TSACC: variants seen among roughly 807,000 people sequenced by gnomAD.
The protein encoded by TSACC is TSSK6 activating cochaperone, also known as TSSK6-activating co-chaperone protein.
TSACC carries 3 observed loss-of-function variants against 6.9 expected under a neutral mutation model. The ratio of observed to expected loss-of-function variants is 0.43; its 90% CI spans 0.20 to 1.12. The LOEUF (loss-of-function observed/expected upper bound fraction) is 1.12, where lower values mean the gene tolerates loss of function less well. Among genes scored for constraint, TSACC ranks in the 50% most tolerant of loss-of-function variants. The pLI is 0.28. For synonymous variants in TSACC, 54 were observed against 55.1 expected (o/e 0.98, Z 0.09); for missense variants, 137 against 143.9 (o/e 0.95, Z 0.24).
intron 1 of TSACC, 69 bp from the exon 2 acceptor site, chr1:156,339,565 A>C (rs970346317): frequency 3.3e-6 from 2 of 600,250 alleles, no homozygotes; most frequent in African/African-American, 3.8e-5. Context: ...GGGCCGTGAG[A>C]GCACCAACAG....
chr1:156,343,286 G>A (rs945887485), intron 2 of TSACC, among the ~76,000 whole-genome samples: 3 of 152,336 alleles, frequency 2.0e-5, no homozygotes, highest in African/African-American at 7.2e-5. Flanking sequence ...GACTTGTGCA[G>A]TTGGGAGAGA....
At chr1:156,338,113 G>T, upstream of TSACC, 2 of 1,567,900 alleles carry the variant, frequency 1.3e-6, no homozygotes, top group Non-Finnish European at 1.7e-6. Context: ...GACAGAAGAG[G>T]GCGAAAAGGG....
At chr1:156,338,135 T>G, upstream of TSACC, 3 of 1,580,070 alleles carry the variant, frequency 1.9e-6, no homozygotes, top group Non-Finnish European at 2.6e-6. Context: ...GTCCATTTCC[T>G]GGCATCCCCA....
upstream of TSACC, chr1:156,338,255 G>A (rs545442048): frequency 1.3e-6 from 2 of 1,505,002 alleles, no homozygotes; most frequent in South Asian, 2.4e-5. Flanking sequence ...GAGAGAACCA[G>A]ACAGAAGCCC....
chr1:156,338,445 G>C (rs1015496685), upstream of TSACC: 8 of 564,046 alleles, frequency 1.4e-5, no homozygotes, highest in African/African-American at 9.4e-5. Context: ...GGCACTGGGA[G>C]GGCACAGGCG....
chr1:156,337,596 T>C (rs142175925), upstream of TSACC: 1 of 165,394 alleles, frequency 6.0e-6, no homozygotes, highest in East Asian at 1.9e-4. Context: ...CAAGAGACTG[T>C]TACTGAAAAT....
At chr1:156,346,204 A>G (rs1466248041) in intron 3 of TSACC, among the ~76,000 whole-genome samples, 1 of 151,840 alleles carries the variant, frequency 6.6e-6, no homozygotes, top group African/African-American at 2.4e-5. Flanking sequence ...AAAAAAAAAA[A>G]AAAAAAAGAA....
At chr1:156,340,185 G>T (rs932819152) in intron 2 of TSACC, among the ~76,000 whole-genome samples, 1 of 152,138 alleles carries the variant, frequency 6.6e-6, no homozygotes, top group African/African-American at 2.4e-5. Flanking sequence ...TTTAGACGGA[G>T]TCTCGCTCTG....
At chr1:156,338,101 T>A, upstream of TSACC, 1 of 1,559,374 alleles carries the variant, frequency 6.4e-7, no homozygotes, top group Non-Finnish European at 8.7e-7. Flanking sequence ...CTGAAAAGTA[T>A]GGACAGAAGA....
At chr1:156,341,405 G>C (rs1190070974) in intron 2 of TSACC, among the ~76,000 whole-genome samples, 2 of 152,150 alleles carry the variant, frequency 1.3e-5, no homozygotes, top group Admixed American at 1.3e-4. Context: ...TTACTGAAAT[G>C]TAATAGTTTG....
chr1:156,345,659 G>C (rs1031823717), intron 3 of TSACC, among the ~76,000 whole-genome samples: 9 of 151,850 alleles, frequency 5.9e-5, no homozygotes, highest in African/African-American at 2.2e-4. Context: ...CCTGAGGTCA[G>C]GAGTTTGAGA....
chr1:156,344,314 A>T (rs891048934), intron 2 of TSACC, among the ~76,000 whole-genome samples: 12 of 152,136 alleles, frequency 7.9e-5, no homozygotes, highest in Non-Finnish European at 4.4e-5. Context: ...AACACATCTT[A>T]TGTATACCCT....
rs1350901606 is a variant in TSACC, at chr1:156,343,350, C to T, written c.35-1230C>T. 2.6e-5 allele frequency among the ~76,000 whole-genome samples: 4 copies of T among 152,204 alleles called. No homozygotes were observed. The East Asian group carries it at 5.8e-4, about 22-fold the overall frequency. ...AGAAGAGCGGCAAAAACCAGGGCCT[C>T]GGGGACTAAAACTGGGGATTTGGTG... On this transcript the variant is annotated intron_variant, in intron 2 of 3. Transcript: ENST00000368254.
At chr1:156,341,013 A>G (rs960600365) in intron 2 of TSACC, among the ~76,000 whole-genome samples, 2 of 151,726 alleles carry the variant, frequency 1.3e-5, no homozygotes, top group African/African-American at 4.8e-5. Context: ...TATTTTTAGT[A>G]CAGACTGGGT....
At chr1:156,343,834 G>A (rs531676317) in intron 2 of TSACC, among the ~76,000 whole-genome samples, 24 of 152,068 alleles carry the variant, frequency 1.6e-4, no homozygotes, top group Non-Finnish European at 2.6e-4. Context: ...TCTGCCTCCC[G>A]GGTTCAAGTG....
chr1:156,338,113 G>A (rs1289723902), upstream of TSACC: 1 of 1,567,900 alleles, frequency 6.4e-7, no homozygotes, highest in East Asian at 2.3e-5. Flanking sequence ...GACAGAAGAG[G>A]GCGAAAAGGG....
intron 2 of TSACC, among the ~76,000 whole-genome samples, chr1:156,343,523 A>G (rs1484630552): frequency 6.6e-6 from 1 of 152,190 alleles, no homozygotes; most frequent in African/African-American, 2.4e-5. Context: ...ATCAGAAGAA[A>G]GTAAATTTCT....
chr1:156,342,211 A>T (rs1665936380), intron 2 of TSACC, among the ~76,000 whole-genome samples: 1 of 152,194 alleles, frequency 6.6e-6, no homozygotes, highest in South Asian at 2.1e-4. Context: ...CCTGAGTTTC[A>T]ACTTCTGTCT....
At chr1:156,343,515 C>G (rs1666007507) in intron 2 of TSACC, among the ~76,000 whole-genome samples, 1 of 152,126 alleles carries the variant, frequency 6.6e-6, no homozygotes, top group African/African-American at 2.4e-5. Context: ...AATAGGAGAT[C>G]AGAAGAAAGT....
Sources: allele counts gnomAD v4.1 joint callset (sites outside exome capture counted in the v4.1 genomes callset), GRCh38; gene constraint gnomAD v4.1.1; transcripts MANE v1.5; gene names NCBI Gene and HGNC (gene_info 2026-07-23, HGNC 2026-07-21).